ANKIB1: variants seen among roughly 807,000 people sequenced by gnomAD.
The protein encoded by ANKIB1 is ankyrin repeat and IBR domain-containing protein 1.
ANKIB1 carries 43 observed loss-of-function variants against 122.1 expected under a neutral mutation model. The observed-to-expected ratio is 0.35, with a 90% confidence interval of 0.28 to 0.45. The LOEUF (loss-of-function observed/expected upper bound fraction) is 0.45. Ranked by LOEUF, ANKIB1 falls within the 20% of genes least tolerant of loss-of-function variation. The pLI is 1.00. For missense variants in ANKIB1, 992 were observed against 1,329.5 expected, an observed-to-expected ratio of 0.75 and a Z score of 3.95; for synonymous variants, 390 against 442.0, an observed-to-expected ratio of 0.88 and a Z score of 1.48.
At chr7:92,357,064 C>G (rs1672277640) in intron 9 of ANKIB1, among the ~76,000 whole-genome samples, 1 of 152,144 alleles carries the variant, frequency 6.6e-6, no homozygotes, top group Admixed American at 6.5e-5. Context: ...AATTTTAAAA[C>G]TTCAGTGGAA....
chr7:92,386,784 C>T lies in ANKIB1; in HGVS notation c.1752+141C>T, dbSNP rs372161982. 9.2e-5 allele frequency: 79 copies of T among 858,436 alleles called. 1 individual carries two copies. The African/African-American group carries it at 1.2e-3, about 13-fold the overall frequency. The allele number at this position is 858,436 out of a possible 1,614,324, so 53.2% of individuals were successfully genotyped here. On this transcript the variant is annotated intron_variant, in intron 12 of 19. Transcript: ENST00000265742. ...ATTATAGCCTTTAATTTCAACAAAA[C>T]AGCTCTGTAAACTTGAGAGCTTTTT...
At chr7:92,320,511 C>T (rs987357495) in intron 4 of ANKIB1, among the ~76,000 whole-genome samples, 19 of 152,274 alleles carry the variant, frequency 1.2e-4, no homozygotes, top group Admixed American at 1.3e-4. Context: ...TCTTCCCGGT[C>T]TCAATAAATA....
chr7:92,397,485 CAA>C (rs369628548), intron 18 of ANKIB1, among the ~76,000 whole-genome samples: 11 of 111,426 alleles, frequency 9.9e-5, no homozygotes, highest in Admixed American at 1.8e-4. Flanking sequence ...GACTCCATCT[CAA>C]AAAAAAAAAA....
At chr7:92,374,370 A>AG (rs1046009299) in intron 11 of ANKIB1, among the ~76,000 whole-genome samples, 1 of 152,008 alleles carries the variant, frequency 6.6e-6, no homozygotes, top group African/African-American at 2.4e-5. Context: ...CCCAGCTACT[A>AG]GGGAGGCTAA....
At chr7:92,302,738 CCAGTTATTGATTT>C (rs1297642139) in intron 2 of ANKIB1, among the ~76,000 whole-genome samples, 2 of 152,118 alleles carry the variant, frequency 1.3e-5, no homozygotes, top group Non-Finnish European at 2.9e-5. Flanking sequence ...GATAGAATTT[CCAGTTATTGATTT>C]CTGTTTTTTG....
chr7:92,246,090 T>TGAGCCG lies in ANKIB1; in HGVS notation c.-504_-499dup, dbSNP rs886062498. On this transcript the variant is annotated 5_prime_UTR_variant, in exon 1 of 20. Transcript: ENST00000265742. Reference sequence around the variant, plus strand: ...TGGTGGCGGTGGGGGTGCCAGCGGCTGAGCCGGAGCCGGAGCCGGAGGCGG... The same window carrying TGAGCCG: ...TGGTGGCGGTGGGGGTGCCAGCGGCTGAGCCGGAGCCGGAGCCGGAGCCGGAGGCGG... 3.2e-4 allele frequency: 90 copies of TGAGCCG among 282,324 alleles called. 1 individual carries two copies. In the Middle Eastern group the frequency reaches 5.0e-3, roughly 16 times the overall value. 17.5% of individuals were successfully genotyped at this position (282,324 alleles called of 1,614,324 possible).
chr7:92,363,509 C>T (rs775064442), intron 10 of ANKIB1, among the ~76,000 whole-genome samples: 1 of 152,180 alleles, frequency 6.6e-6, no homozygotes, highest in Non-Finnish European at 1.5e-5. Flanking sequence ...AGCAGTCGGA[C>T]ATTGCGGTAT....
intron 5 of ANKIB1, among the ~76,000 whole-genome samples, chr7:92,329,816 T>A (rs529147450): frequency 3.9e-5 from 6 of 152,326 alleles, no homozygotes; most frequent in Admixed American, 3.9e-4. Context: ...TCAATTCCAC[T>A]GCCACTGACT....
chr7:92,324,463 A>G (rs1222091709), intron 4 of ANKIB1, among the ~76,000 whole-genome samples: 3 of 152,132 alleles, frequency 2.0e-5, no homozygotes, highest in Non-Finnish European at 4.4e-5. Context: ...TGAACTCGTG[A>G]CCTCAAGTGA....
rs896961683 is a variant in ANKIB1, at chr7:92,387,657, G to A, written c.1753-141G>A. 6.6e-6 allele frequency: 4 copies of A among 604,282 alleles called. No individual in the cohort carries two copies. In the African/African-American group the frequency reaches 7.6e-5, roughly 11 times the overall value. The allele number at this position is 604,282 out of a possible 1,614,324, so 37.4% of individuals were successfully genotyped here. A position where few individuals can be genotyped will look rare whatever the true frequency, so the allele number is the denominator to read the frequency against. ...TCTCAAAAAAAAAAAAACAAGTATT[G>A]TTTTTCTGTCAAGAAAATAATTCGC... On this transcript the variant is annotated intron_variant, in intron 12 of 19. Coordinates refer to ENST00000265742, the MANE Select transcript of ANKIB1 (RefSeq NM_019004.2).
intron 4 of ANKIB1, among the ~76,000 whole-genome samples, chr7:92,326,210 C>G (rs1037343728): frequency 6.6e-6 from 1 of 152,140 alleles, no homozygotes; most frequent in African/African-American, 2.4e-5. Context: ...AAACTGCGTG[C>G]ATTTTAAAAA....
chr7:92,354,348 G>A (rs1026012553), intron 9 of ANKIB1, among the ~76,000 whole-genome samples: 2 of 151,976 alleles, frequency 1.3e-5, no homozygotes, highest in Non-Finnish European at 2.9e-5. Flanking sequence ...CCAAGATCAC[G>A]GGCCCTACTT....
chr7:92,381,945 G>A (rs1295914242), intron 11 of ANKIB1, among the ~76,000 whole-genome samples: 2 of 152,040 alleles, frequency 1.3e-5, no homozygotes, highest in Non-Finnish European at 2.9e-5. Flanking sequence ...ACACAGACTG[G>A]CAAATTGGAT....
chr7:92,250,736 T>C (rs1801313400), intron 1 of ANKIB1, among the ~76,000 whole-genome samples: 1 of 152,232 alleles, frequency 6.6e-6, no homozygotes, highest in African/African-American at 2.4e-5. Flanking sequence ...ATTATCATGC[T>C]CATTATTGGT....
intron 4 of ANKIB1, 147 bp from the exon 5 acceptor site, chr7:92,327,636 T>C (rs1006468161): frequency 4.1e-5 from 18 of 436,048 alleles, no homozygotes; most frequent in Admixed American, 8.7e-5. Flanking sequence ...TTTTTTTTTT[T>C]CCCAAATGTT....
chr7:92,315,416 T>C (rs945902019), intron 3 of ANKIB1, among the ~76,000 whole-genome samples: 13 of 152,058 alleles, frequency 8.5e-5, no homozygotes, highest in African/African-American at 3.1e-4. Flanking sequence ...CTACATAGAG[T>C]TGACAGCTAA....
At chr7:92,352,719 A>C (rs540879091) in intron 9 of ANKIB1, 77 bp downstream of exon 9, 30 of 1,425,208 alleles carry the variant, frequency 2.1e-5, no homozygotes, top group Non-Finnish European at 2.7e-5. Context: ...ACCTTGAGTC[A>C]GGCCTTTAAA....
At chr7:92,387,767 TAA>T (rs1258934228) in intron 12 of ANKIB1, 29 bp from the exon 13 acceptor site, 2 of 1,564,616 alleles carry the variant, frequency 1.3e-6, no homozygotes, top group Non-Finnish European at 1.7e-6. Context: ...CTAGTTTTTA[TAA>T]AAGTCATTTG....
rs189608849 is a variant in ANKIB1, at chr7:92,367,893, C to T, written c.1487-3584C>T. On this transcript the variant is annotated intron_variant, in intron 10 of 19. Coordinates refer to ENST00000265742, the MANE Select transcript of ANKIB1 (RefSeq NM_019004.2). ...GTCTTTGACTAGGTGCAGTGGTTTA[C>T]GCCTGTAATCCCAGCACTTTGGGAG... Among the ~76,000 whole-genome samples, 229 of 152,244 alleles carry T rather than the reference C, an allele frequency of 1.5e-3. 1 individual carries two copies. Among genetic ancestry groups the T allele is most frequent in the Non-Finnish European group, 2.5e-3 (168 of 68,024 alleles).
Sources: gnomAD v4.1 joint callset for allele counts (sites outside exome capture counted in the v4.1 genomes callset) on GRCh38, gnomAD v4.1.1 for gene constraint, MANE v1.5 for transcripts, NCBI Gene and HGNC (gene_info 2026-07-23, HGNC 2026-07-21) for gene names.